ERICH1: variants seen among roughly 807,000 people sequenced by gnomAD.
The protein encoded by ERICH1 is glutamate rich 1.
In ERICH1, 56 loss-of-function variants were observed where a neutral mutation model predicts 39.6. The ratio of observed to expected loss-of-function variants is 1.41; its 90% CI spans 1.14 to 1.77. ERICH1 has a LOEUF of 1.77. ERICH1 is among the 40% of genes most tolerant of loss of function. The pLI is 0.00. For synonymous variants in ERICH1, 313 were observed against 223.6 expected (o/e 1.40, Z -3.57); for missense variants, 826 against 575.4 (o/e 1.44, Z -4.45).
chr8:643,712 G>T (rs1416504237), intron 3 of ERICH1, among the ~76,000 whole-genome samples: 1 of 152,236 alleles, frequency 6.6e-6, no homozygotes, highest in Non-Finnish European at 1.5e-5. Context: ...CGCGACTTCG[G>T]GAGCTTGTGG....
chr8:629,513 CAG>C (rs1385013879), intron 3 of ERICH1, among the ~76,000 whole-genome samples: 2 of 149,872 alleles, frequency 1.3e-5, no homozygotes, highest in South Asian at 4.3e-4. Context: ...TGACCACCCA[CAG>C]AGACAGAGCT....
chr8:633,485 T>C (rs1460248553), intron 3 of ERICH1, among the ~76,000 whole-genome samples: 1 of 152,116 alleles, frequency 6.6e-6, no homozygotes, highest in Non-Finnish European at 1.5e-5. Flanking sequence ...CTCAAAACAA[T>C]ATATCTTCCT....
chr8:698,004 G>A lies in ERICH1; in HGVS notation c.170-5392C>T, dbSNP rs529256173. 4.1e-4 allele frequency among the ~76,000 whole-genome samples: 62 copies of A among 152,234 alleles called. 1 individual carries two copies. The highest frequency in any genetic ancestry group is 8.3e-4 in the South Asian group (4 of 4,824). ...TGGGCCCAGGTTGGAGAGCTCACGG[G>A]GGCCACCGGCGTGTACCTGTGACAT... On this transcript the variant is annotated intron_variant, in intron 2 of 5. Transcript: ENST00000262109.
intron 3 of ERICH1, among the ~76,000 whole-genome samples, chr8:635,580 C>A (rs1181850072): frequency 6.6e-6 from 1 of 152,214 alleles, no homozygotes; most frequent in Non-Finnish European, 1.5e-5. Flanking sequence ...GACGTAGTGG[C>A]CAGCCGGCCC....
intron 1 of ERICH1, among the ~76,000 whole-genome samples, chr8:727,678 T>C (rs1010289026): frequency 2.0e-5 from 3 of 152,196 alleles, no homozygotes; most frequent in Non-Finnish European, 2.9e-5. Flanking sequence ...GCTGGGTGCC[T>C]ACCAGGAGGA....
At chr8:672,321 T>G (rs1319128170) in intron 4 of ERICH1, 1 of 152,244 alleles carries the variant, frequency 6.6e-6, no homozygotes, top group Non-Finnish European at 1.5e-5. Context: ...GTTTTCAATT[T>G]GTTAATACAA....
At chr8:620,648 T>C (rs336421) in intron 3 of ERICH1, among the ~76,000 whole-genome samples, 111,433 of 152,154 alleles carry the variant, frequency 0.73, 41,982 homozygotes, top group East Asian at 0.94. Context: ...CAGAGCTGGA[T>C]AGGCTATACT....
chr8:694,790 T>C (rs1311518877), intron 2 of ERICH1, among the ~76,000 whole-genome samples: 1 of 152,190 alleles, frequency 6.6e-6, no homozygotes, highest in African/African-American at 2.4e-5. Context: ...AAGTTGAACG[T>C]TACATGTCTT....
intron 3 of ERICH1, among the ~76,000 whole-genome samples, chr8:635,986 G>A (rs897120902): frequency 6.6e-6 from 1 of 152,198 alleles, no homozygotes; most frequent in Admixed American, 6.5e-5. Context: ...CCTCCGCCTC[G>A]GCAGAAACAG....
chr8:698,899 GT>G (rs4045087), intron 2 of ERICH1, among the ~76,000 whole-genome samples: 98,017 of 140,380 alleles, frequency 0.7, 34,985 homozygotes, highest in Middle Eastern at 0.8. Flanking sequence ...GTCTCTGTGA[GT>G]TTTTTTTTTT....
intron 1 of ERICH1, 133 bp downstream of exon 1, chr8:731,007 G>C: frequency 9.3e-7 from 1 of 1,071,548 alleles, no homozygotes; most frequent in Non-Finnish European, 1.2e-6. Context: ...GACTGGGGTG[G>C]AGGTGGGGAG....
At chr8:644,320 T>C (rs1799355662) in intron 3 of ERICH1, among the ~76,000 whole-genome samples, 1 of 152,270 alleles carries the variant, frequency 6.6e-6, no homozygotes, top group Non-Finnish European at 1.5e-5. Context: ...TCATCGTCTC[T>C]TTGTAAGTTC....
intron 3 of ERICH1, among the ~76,000 whole-genome samples, chr8:622,037 A>G (rs115700021): frequency 0.013 from 1,978 of 152,232 alleles, 31 homozygotes; most frequent in African/African-American, 0.045. Flanking sequence ...CAACACAGTG[A>G]CAACACCTCT....
chr8:710,629 G>A (rs1240279526), intron 2 of ERICH1, among the ~76,000 whole-genome samples: 4 of 152,248 alleles, frequency 2.6e-5, no homozygotes, highest in Admixed American at 2.6e-4. Flanking sequence ...ATTGCAATGT[G>A]TAGCCTTTTC....
At chr8:692,410 A>G (rs1809103054) in intron 3 of ERICH1, 68 bp downstream of exon 3, 1 of 1,609,054 alleles carries the variant, frequency 6.2e-7, no homozygotes, top group South Asian at 1.1e-5. Context: ...GTATTACAAT[A>G]CCAGAAAATT....
chr8:669,075 G>A (rs373280454), intron 4 of ERICH1: 29 of 386,432 alleles, frequency 7.5e-5, no homozygotes, highest in African/African-American at 3.7e-4. Context: ...CCCCTGGCCC[G>A]TCTACACCTC....
intron 3 of ERICH1, chr8:656,801 G>A: frequency 6.1e-6 from 6 of 985,434 alleles, no homozygotes; most frequent in Non-Finnish European, 7.2e-6. Flanking sequence ...CAGACTCCCA[G>A]CCTCAGGACT....
At chr8:722,007 C>T (rs1018676095) in intron 1 of ERICH1, among the ~76,000 whole-genome samples, 2 of 152,028 alleles carry the variant, frequency 1.3e-5, no homozygotes, top group African/African-American at 4.8e-5. Flanking sequence ...CAGGAGCTCC[C>T]GGAGCCCCCG....
chr8:633,416 C>G (rs1379386170), intron 3 of ERICH1, among the ~76,000 whole-genome samples: 2 of 152,160 alleles, frequency 1.3e-5, no homozygotes. Flanking sequence ...CTCAAAAACA[C>G]AGTGTGGGAA....
Sources: allele counts gnomAD v4.1 joint callset (sites outside exome capture counted in the v4.1 genomes callset), GRCh38; gene constraint gnomAD v4.1.1; transcripts MANE v1.5; gene names NCBI Gene and HGNC (gene_info 2026-07-23, HGNC 2026-07-21).